Variants in FARP2 observed in about 807,000 individuals in gnomAD.
FARP2 encodes the protein FERM, ARH/RhoGEF and pleckstrin domain protein 2, also known as FERM, ARHGEF and pleckstrin domain-containing protein 2.
FARP2 carries 111 observed loss-of-function variants against 130.5 expected under a neutral mutation model. That is an observed-to-expected ratio of 0.85 (90% CI 0.73 to 1.00). The LOEUF (loss-of-function observed/expected upper bound fraction) is 1.00. FARP2 is among the 50% of genes least tolerant of loss of function. The probability of loss-of-function intolerance (pLI) is 0.00; values close to 1 mark genes in which losing one functional copy is unlikely to be tolerated. For synonymous variants in FARP2, 504 were observed against 516.9 expected, an observed-to-expected ratio of 0.98 and a Z score of 0.34; for missense variants, 1,385 against 1,346.3, an observed-to-expected ratio of 1.03 and a Z score of -0.45.
chr2:241,361,798 GTGTT>G (rs1243942471), intron 1 of FARP2, among the ~76,000 whole-genome samples: 2 of 152,130 alleles, frequency 1.3e-5, no homozygotes, highest in Admixed American at 1.3e-4. Flanking sequence ...TAGTGGGAAT[GTGTT>G]TGTGAAGGAG....
At chr2:241,420,716 G>T (rs2062784798) in intron 8 of FARP2, among the ~76,000 whole-genome samples, 1 of 152,136 alleles carries the variant, frequency 6.6e-6, no homozygotes, top group African/African-American at 2.4e-5. Context: ...GAGTTGTGCT[G>T]GCACATGCTC....
At chr2:241,434,922 CTT>C (rs1410932042) in intron 10 of FARP2, 38 bp from the exon 11 acceptor site, 1 of 1,184,498 alleles carries the variant, frequency 8.4e-7, no homozygotes, top group South Asian at 1.3e-5. Flanking sequence ...TTAATGCTGA[CTT>C]ACTGTTCTTT....
At position 241,494,243 on chromosome 2, in the gene FARP2, G is replaced by A. The variant is rs1419290730; in HGVS notation, c.*118G>A. On this transcript the variant is annotated 3_prime_UTR_variant, in exon 27 of 27. Coordinates refer to ENST00000264042, the MANE Select transcript of FARP2 (RefSeq NM_014808.4). This position sits in a 1 kb window ranked among gnomAD's most constrained non-coding sequence, Gnocchi z 4.9. ...GCTGTGGTCTCACTGGATCCCCACT[G>A]GCACCAGCAGTGTGGGTGGGCCTCA... is the stretch of plus-strand genomic sequence containing the variant. 3.7e-6 allele frequency: 2 copies of A among 538,136 alleles called. No individual in the cohort carries two copies. The highest frequency in any genetic ancestry group is 6.2e-6 in the Non-Finnish European group (2 of 322,616). The allele number at this position is 538,136 out of a possible 1,614,324, so 33.3% of individuals were successfully genotyped here.
intron 13 of FARP2, chr2:241,443,566 C>T (rs2063443260): frequency 6.6e-6 from 1 of 152,310 alleles, no homozygotes. Context: ...GCCATGGGCC[C>T]TGCTGGGTAC....
intron 12 of FARP2, among the ~76,000 whole-genome samples, chr2:241,437,513 T>C (rs568600580): frequency 6.6e-6 from 1 of 152,222 alleles, no homozygotes; most frequent in South Asian, 2.1e-4. Context: ...TTGCCCAGGC[T>C]GGAGTGCAGT....
At chr2:241,480,007 T>C (rs538686996) in intron 19 of FARP2, among the ~76,000 whole-genome samples, 45 of 152,232 alleles carry the variant, frequency 3.0e-4, no homozygotes, top group Non-Finnish European at 4.9e-4. Context: ...ACATGGGAGC[T>C]GATAGGATTC....
intron 21 of FARP2, chr2:241,488,980 A>T (rs2064828790): frequency 6.6e-6 from 1 of 152,236 alleles, no homozygotes; most frequent in Non-Finnish European, 1.5e-5. Context: ...CAAGCATTTA[A>T]TTCTTCCAAG....
chr2:241,466,239 G>T (rs2064165909), intron 17 of FARP2: 64 of 985,460 alleles, frequency 6.5e-5, no homozygotes, highest in Non-Finnish European at 7.6e-5. Flanking sequence ...TCCCCCTACA[G>T]TGCAAGTGTG....
At chr2:241,458,010 CTG>C (rs1235481913) in intron 14 of FARP2, among the ~76,000 whole-genome samples, 1 of 152,120 alleles carries the variant, frequency 6.6e-6, no homozygotes, top group Admixed American at 6.5e-5. Context: ...AGGGCACAAA[CTG>C]AGAGTCTGCA....
intron 2 of FARP2, among the ~76,000 whole-genome samples, chr2:241,400,683 G>A (rs1488942571): frequency 6.6e-6 from 1 of 152,216 alleles, no homozygotes; most frequent in Non-Finnish European, 1.5e-5. Flanking sequence ...GCCAGGTAGT[G>A]TGAGGCTGTA....
intron 5 of FARP2, among the ~76,000 whole-genome samples, chr2:241,410,719 C>T (rs370257281): frequency 2.2e-4 from 34 of 152,286 alleles, no homozygotes; most frequent in African/African-American, 7.7e-4. Context: ...CGGGAGCCAT[C>T]GCCCCTGGCC....
chr2:241,411,347 A>C (rs1221085323), intron 6 of FARP2, among the ~76,000 whole-genome samples: 1 of 152,272 alleles, frequency 6.6e-6, no homozygotes, highest in East Asian at 1.9e-4. Flanking sequence ...ACACAGGCCA[A>C]GGCCAAAATC....
rs140108444 is a variant in FARP2, at chr2:241,379,145, C to T, written c.183+5855C>T. 6.6e-5 allele frequency among the ~76,000 whole-genome samples: 10 copies of T among 152,244 alleles called. No homozygotes were observed. The East Asian group carries it at 1.4e-3, about 21-fold the overall frequency. On this transcript the variant is annotated intron_variant, in intron 2 of 26. Coordinates refer to ENST00000264042, the MANE Select transcript of FARP2 (RefSeq NM_014808.4). ...GAGTTGAGGTGCATAACTGAGACCC[C>T]GTTCTAGAAAGTCTTCCCAGATCTT... is the stretch of plus-strand genomic sequence containing the variant.
intron 8 of FARP2, among the ~76,000 whole-genome samples, chr2:241,426,151 G>T (rs1265694180): frequency 1.3e-5 from 2 of 152,176 alleles, no homozygotes; most frequent in African/African-American, 4.8e-5. Context: ...GAAGACACAG[G>T]TTCTGCCTGC....
At chr2:241,483,155 TCTC>T (rs2064659650) in intron 19 of FARP2, among the ~76,000 whole-genome samples, 1 of 152,134 alleles carries the variant, frequency 6.6e-6, no homozygotes, top group South Asian at 2.1e-4. Context: ...TCCAGAAGCT[TCTC>T]CTCAGCAAGA....
intron 5 of FARP2, 52 bp from the exon 6 acceptor site, chr2:241,410,981 A>T: frequency 8.0e-7 from 1 of 1,248,850 alleles, no homozygotes; most frequent in Non-Finnish European, 1.2e-6. Context: ...TCTATGTTAC[A>T]TTCAGAGAAC....
At chr2:241,457,255 C>T (rs2063872779) in intron 14 of FARP2, among the ~76,000 whole-genome samples, 1 of 152,188 alleles carries the variant, frequency 6.6e-6, no homozygotes, top group Non-Finnish European at 1.5e-5. Context: ...CCTTCCTTCC[C>T]ACCTTCCTCA....
At chr2:241,418,792 C>T (rs2062740285) in intron 8 of FARP2, among the ~76,000 whole-genome samples, 1 of 152,184 alleles carries the variant, frequency 6.6e-6, no homozygotes, top group Admixed American at 6.6e-5. Context: ...GAGCTTTTCT[C>T]CTTATTCAGG....
At chr2:241,478,522 T>G in intron 19 of FARP2, 1 of 383,482 alleles carries the variant, frequency 2.6e-6, no homozygotes, top group Non-Finnish European at 5.4e-6. Flanking sequence ...ACTCCTTGTA[T>G]CAGGCTAACC....
Sources: allele counts gnomAD v4.1 joint callset (sites outside exome capture counted in the v4.1 genomes callset), GRCh38; gene constraint gnomAD v4.1.1; non-coding constraint Gnocchi (gnomAD v3.1); transcripts MANE v1.5; gene names NCBI Gene and HGNC (gene_info 2026-07-23, HGNC 2026-07-21).